SUSD4: variants seen among roughly 807,000 people sequenced by gnomAD.
SUSD4 encodes sushi domain-containing protein 4.
Under a neutral mutation model 50.5 loss-of-function variants are expected in SUSD4, and 41 were observed. The ratio of observed to expected loss-of-function variants is 0.81; its 90% CI spans 0.63 to 1.05. The LOEUF (loss-of-function observed/expected upper bound fraction) is 1.05, where lower values mean the gene tolerates loss of function less well. SUSD4 is among the 50% of genes least tolerant of loss of function. The pLI, the probability that SUSD4 is intolerant of heterozygous loss-of-function variation, is 0.00. For synonymous variants in SUSD4, 257 were observed against 257.3 expected, an observed-to-expected ratio of 1.00 and a Z score of 0.01; for missense variants, 580 against 634.7, an observed-to-expected ratio of 0.91 and a Z score of 0.93.
chr1:223,300,711 C>T (rs1665135551), intron 2 of SUSD4, among the ~76,000 whole-genome samples: 1 of 152,108 alleles, frequency 6.6e-6, no homozygotes, highest in Non-Finnish European at 1.5e-5. Context: ...GGTCCTGGGG[C>T]TAGTGAAAAA....
At chr1:223,327,582 G>T (rs967807098) in intron 2 of SUSD4, among the ~76,000 whole-genome samples, 18 of 152,132 alleles carry the variant, frequency 1.2e-4, no homozygotes, top group African/African-American at 3.6e-4. Flanking sequence ...AAGGCTAAAG[G>T]AGCTCCTGGA....
At chr1:223,302,062 CT>C (rs1665233383) in intron 2 of SUSD4, among the ~76,000 whole-genome samples, 1 of 152,144 alleles carries the variant, frequency 6.6e-6, no homozygotes, top group South Asian at 2.1e-4. Flanking sequence ...CACCATCCCC[CT>C]AGTGCTGTCT....
At chr1:223,363,545 C>G in intron 1 of SUSD4, 85 bp from the exon 2 acceptor site, 1 of 1,331,866 alleles carries the variant, frequency 7.5e-7, no homozygotes, top group Non-Finnish European at 9.8e-7. Flanking sequence ...TGGGACCCGG[C>G]GCCTCGGCTT....
intron 3 of SUSD4, among the ~76,000 whole-genome samples, chr1:223,278,944 C>T (rs578062741): frequency 6.6e-6 from 1 of 152,316 alleles, no homozygotes; most frequent in Non-Finnish European, 1.5e-5. Flanking sequence ...ACTGCTGATA[C>T]CCAGGCAAAC....
intron 5 of SUSD4, among the ~76,000 whole-genome samples, chr1:223,261,931 T>C (rs1271999561): frequency 1.3e-5 from 2 of 152,208 alleles, no homozygotes; most frequent in East Asian, 1.9e-4. Context: ...ACCCCCATTT[T>C]ACAGAGGAAG....
intron 2 of SUSD4, among the ~76,000 whole-genome samples, chr1:223,350,315 G>A (rs1319592441): frequency 6.6e-6 from 1 of 152,196 alleles, no homozygotes; most frequent in Admixed American, 6.5e-5. Flanking sequence ...ACATAGTTAA[G>A]CGCTCAATAA....
intron 5 of SUSD4, among the ~76,000 whole-genome samples, chr1:223,248,256 A>G (rs570941649): frequency 6.6e-6 from 1 of 152,316 alleles, no homozygotes; most frequent in African/African-American, 2.4e-5. Context: ...GTGAGCCTGT[A>G]TACTGAGTGC....
chr1:223,326,070 T>C (rs1056200791), intron 2 of SUSD4, among the ~76,000 whole-genome samples: 1 of 152,130 alleles, frequency 6.6e-6, no homozygotes, highest in Non-Finnish European at 1.5e-5. Flanking sequence ...AGAACAAATC[T>C]GGAGGCATAA....
Position 223,268,011 on chromosome 1 carries a change from T to TATA in SUSD4, c.535+490_535+491insTAT, listed in dbSNP as rs1558196915. Among the ~76,000 whole-genome samples, 8 of 7,668 alleles carry TATA rather than the reference T, an allele frequency of 1.0e-3. 1 individual carries two copies. The highest frequency in any genetic ancestry group is 4.0e-3 in the African/African-American group (7 of 1,736). 5.0% of individuals were successfully genotyped at this position (7,668 alleles called of 152,430 possible). A position where few individuals can be genotyped will look rare whatever the true frequency, so the allele number is the denominator to read the frequency against. On this transcript the variant is annotated intron_variant, in intron 4 of 8. Coordinates refer to ENST00000366878, the MANE Select transcript of SUSD4 (RefSeq NM_017982.4). ...ATAATTTTTCTGCTCTTCATGCATT[T>TATA]TTTATATATATATATATATATATAT...
Position 223,221,096 on chromosome 1 carries a change from C to T in SUSD4, c.*1096G>A, listed in dbSNP as rs1659114470. 1 of 400,870 alleles carries T rather than the reference C, an allele frequency of 2.5e-6. No homozygotes were observed. Among genetic ancestry groups the T allele is most frequent in the Non-Finnish European group, 4.4e-6 (1 of 226,264 alleles). The allele number at this position is 400,870 out of a possible 1,614,324, so 24.8% of individuals were successfully genotyped here. A position where few individuals can be genotyped will look rare whatever the true frequency, so the allele number is the denominator to read the frequency against. On this transcript the variant is annotated 3_prime_UTR_variant, in exon 9 of 9. Coordinates refer to ENST00000366878, the MANE Select transcript of SUSD4 (RefSeq NM_017982.4). ...TGATGAGACCCTCAAAGTAGGAATG[C>T]AGGAATGATAGGCAGGTGAGGTGGC...
At chr1:223,290,198 C>A (rs71644735) in intron 3 of SUSD4, among the ~76,000 whole-genome samples, 3,866 of 152,252 alleles carry the variant, frequency 0.025, 68 homozygotes, top group Middle Eastern at 0.054. Context: ...ACTACTTGCC[C>A]AGCATAAATC....
intron 2 of SUSD4, among the ~76,000 whole-genome samples, chr1:223,338,656 C>T (rs1467947141): frequency 6.6e-6 from 1 of 152,162 alleles, no homozygotes; most frequent in Admixed American, 6.5e-5. Context: ...TGGATAAGAG[C>T]ATGGGGAGAA....
rs1209710239 is a variant in SUSD4, at chr1:223,227,860, C to T, written c.917-122G>A. 1.6e-6 allele frequency: 2 copies of T among 1,289,964 alleles called. No homozygotes were observed. The highest frequency in any genetic ancestry group is 3.0e-5 in the African/African-American group (2 of 67,556). The allele number at this position is 1,289,964 out of a possible 1,614,324, so 79.9% of individuals were successfully genotyped here. A position where few individuals can be genotyped will look rare whatever the true frequency, so the allele number is the denominator to read the frequency against. On this transcript the variant is annotated intron_variant, in intron 6 of 8. Transcript: ENST00000366878. This position sits in a 1 kb window ranked among gnomAD's most constrained non-coding sequence, Gnocchi z 4.5. ...GAGATGCGTGCAAGGTGCCTCTGAC[C>T]CCCAGGGCTCGGCAGAGATACCATG... is the stretch of plus-strand genomic sequence containing the variant.
Position 223,221,018 on chromosome 1 carries a change from CT to C in SUSD4, c.*1173del. 1 of 400,828 alleles carries C rather than the reference CT, an allele frequency of 2.5e-6. No homozygotes were observed. The highest frequency in any genetic ancestry group is 4.4e-6 in the Non-Finnish European group (1 of 226,246). 24.8% of individuals were successfully genotyped at this position (400,828 alleles called of 1,614,324 possible). A position where few individuals can be genotyped will look rare whatever the true frequency, so the allele number is the denominator to read the frequency against. ...GTATTTGAAGAGACACTTCAGGACA[CT>C]TTGGGAAATTTTTTAATCAATCAGT... is the stretch of plus-strand genomic sequence containing the variant. On this transcript the variant is annotated 3_prime_UTR_variant, in exon 9 of 9. Transcript: ENST00000366878.
At chr1:223,294,237 C>A (rs1314345765) in intron 2 of SUSD4, among the ~76,000 whole-genome samples, 1 of 152,196 alleles carries the variant, frequency 6.6e-6, no homozygotes, top group African/African-American at 2.4e-5. Flanking sequence ...CCCAGCACAG[C>A]CTGCTGGTGC....
chr1:223,306,333 C>T (rs907359655), intron 2 of SUSD4, among the ~76,000 whole-genome samples: 1 of 152,146 alleles, frequency 6.6e-6, no homozygotes, highest in South Asian at 2.1e-4. Flanking sequence ...CATGGGAAAA[C>T]AGAATAAACC....
chr1:223,270,463 T>A (rs1280626665), intron 3 of SUSD4, among the ~76,000 whole-genome samples: 1 of 152,198 alleles, frequency 6.6e-6, no homozygotes, highest in Non-Finnish European at 1.5e-5. Flanking sequence ...ACACCTGTCA[T>A]CAGGTCTTCC....
chr1:223,280,402 C>T (rs1391084602), intron 3 of SUSD4, among the ~76,000 whole-genome samples: 1 of 117,284 alleles, frequency 8.5e-6, no homozygotes, highest in Non-Finnish European at 1.6e-5. Context: ...ATCTACCAAG[C>T]GAATGGAAAA....
At chr1:223,303,832 T>C (rs1665344001) in intron 2 of SUSD4, among the ~76,000 whole-genome samples, 1 of 152,214 alleles carries the variant, frequency 6.6e-6, no homozygotes, top group Non-Finnish European at 1.5e-5. Context: ...CTGTATGCAG[T>C]ACAGTATACA....
Sources: allele counts gnomAD v4.1 joint callset (sites outside exome capture counted in the v4.1 genomes callset), GRCh38; gene constraint gnomAD v4.1.1; non-coding constraint Gnocchi (gnomAD v3.1); transcripts MANE v1.5; gene names NCBI Gene and HGNC (gene_info 2026-07-23, HGNC 2026-07-21).